RNF182: variants seen among roughly 807,000 people sequenced by gnomAD.
RNF182 encodes E3 ubiquitin-protein ligase RNF182.
RNF182 carries 15 observed loss-of-function variants against 14.4 expected under a neutral mutation model. That is an observed-to-expected ratio of 1.04 (90% CI 0.70 to 1.60). The LOEUF (loss-of-function observed/expected upper bound fraction) is 1.60, where lower values mean the gene tolerates loss of function less well. Ranked by LOEUF, RNF182 falls within the 40% of genes most tolerant of loss-of-function variation. RNF182 has a pLI of 0.00. For synonymous variants in RNF182, 128 were observed against 122.9 expected, an observed-to-expected ratio of 1.04 and a Z score of -0.27; for missense variants, 268 against 294.8, an observed-to-expected ratio of 0.91 and a Z score of 0.67.
chr6:13,939,604 C>T (rs184282400), intron 1 of RNF182, among the ~76,000 whole-genome samples: 147 of 152,006 alleles, frequency 9.7e-4, no homozygotes, highest in Admixed American at 6.2e-3. Flanking sequence ...AGTGCAGTGG[C>T]GCGATCTGGG....
intron 1 of RNF182, among the ~76,000 whole-genome samples, chr6:13,934,425 A>G (rs974411582): frequency 6.6e-6 from 1 of 152,206 alleles, no homozygotes; most frequent in South Asian, 2.1e-4. Context: ...TAGTTGTTTT[A>G]ATGACATCTG....
intron 1 of RNF182, chr6:13,949,422 C>T: frequency 1.6e-5 from 12 of 733,554 alleles, no homozygotes; most frequent in South Asian, 1.6e-4. Context: ...ACTGTGAAAG[C>T]TGTCATCTAT....
intron 1 of RNF182, among the ~76,000 whole-genome samples, chr6:13,973,453 C>T (rs1411014344): frequency 1.3e-5 from 2 of 152,096 alleles, no homozygotes; most frequent in African/African-American, 2.4e-5. Context: ...TGTGTGTCCC[C>T]ACCCAAATCT....
At chr6:13,937,086 T>C (rs1024347718) in intron 1 of RNF182, among the ~76,000 whole-genome samples, 6 of 152,320 alleles carry the variant, frequency 3.9e-5, no homozygotes, top group Non-Finnish European at 8.8e-5. Context: ...CATATAGACT[T>C]TTCACAATCA....
rs1760418561 is a variant in RNF182, at chr6:13,978,823, C to T, written c.*960C>T. ...GGATTTACTTAACTGAATCTTATAACAATTCGAGGTGAACTGTGGCAATGA... is the reference window on the plus strand; with the variant it reads ...GGATTTACTTAACTGAATCTTATAATAATTCGAGGTGAACTGTGGCAATGA... On this transcript the variant is annotated 3_prime_UTR_variant, in exon 3 of 3. Transcript: ENST00000488300. 2 of 167,048 alleles carry T rather than the reference C, an allele frequency of 1.2e-5. No homozygotes were observed. Among genetic ancestry groups the T allele is most frequent in the African/African-American group, 4.8e-5 (2 of 41,514 alleles). The allele number at this position is 167,048 out of a possible 1,614,324, so 10.3% of individuals were successfully genotyped here.
intron 1 of RNF182, among the ~76,000 whole-genome samples, chr6:13,967,475 C>T (rs1416365621): frequency 1.3e-5 from 2 of 152,082 alleles, no homozygotes; most frequent in African/African-American, 4.8e-5. Flanking sequence ...CTTGCACATA[C>T]CTTGATGATT....
intron 1 of RNF182, among the ~76,000 whole-genome samples, chr6:13,953,684 A>G (rs1426683508): frequency 6.6e-6 from 1 of 152,182 alleles, no homozygotes; most frequent in Non-Finnish European, 1.5e-5. Context: ...GTTAAAGAAT[A>G]TTAAGGAGTG....
At position 13,938,048 on chromosome 6, in the gene RNF182, G is replaced by A. The variant is rs113508197; in HGVS notation, c.-367+13025G>A. 2.2e-3 allele frequency among the ~76,000 whole-genome samples: 256 copies of A among 116,792 alleles called. 2 individuals carry two copies. The highest frequency in any genetic ancestry group is 7.7e-3 in the African/African-American group (238 of 31,034). 76.6% of individuals were successfully genotyped at this position (116,792 alleles called of 152,430 possible). On this transcript the variant is annotated intron_variant, in intron 1 of 2. Transcript: ENST00000488300. Reference sequence around the variant, plus strand: ...TTTTTGAGACAGAGTTTCTGTCGTCGCCCAGGCTGGAGTGCAGTCTCCGCT... The same window carrying A: ...TTTTTGAGACAGAGTTTCTGTCGTCACCCAGGCTGGAGTGCAGTCTCCGCT...
Position 13,979,580 on chromosome 6 carries a change from A to G in RNF182, c.*1717A>G, listed in dbSNP as rs1191276266. Reference sequence around the variant, plus strand: ...TACAGCTAAATACATTTATGATTTCATAAAATCTAGTTTAGATAGCATTGT... The same window carrying G: ...TACAGCTAAATACATTTATGATTTCGTAAAATCTAGTTTAGATAGCATTGT... On this transcript the variant is annotated 3_prime_UTR_variant, in exon 3 of 3. Transcript: ENST00000488300. 1 of 166,978 alleles carries G rather than the reference A, an allele frequency of 6.0e-6. No homozygotes were observed. The highest frequency in any genetic ancestry group is 2.4e-5 in the African/African-American group (1 of 41,470). 10.3% of individuals were successfully genotyped at this position (166,978 alleles called of 1,614,324 possible).
intron 1 of RNF182, among the ~76,000 whole-genome samples, chr6:13,932,027 C>G (rs1311342069): frequency 6.6e-6 from 1 of 152,196 alleles, no homozygotes; most frequent in Admixed American, 6.5e-5. Context: ...GATACCTAAT[C>G]TGCCAGCACC....
At chr6:13,969,791 G>A (rs1760129333) in intron 1 of RNF182, among the ~76,000 whole-genome samples, 2 of 152,184 alleles carry the variant, frequency 1.3e-5, no homozygotes, top group Admixed American at 1.3e-4. Context: ...CTTATCCCCA[G>A]ATGACTTATA....
At chr6:13,960,717 T>C (rs1561784427) in intron 1 of RNF182, among the ~76,000 whole-genome samples, 1 of 149,260 alleles carries the variant, frequency 6.7e-6, no homozygotes, top group Admixed American at 6.7e-5. Context: ...GCATGTGATG[T>C]ACAGTATTAG....
At chr6:13,936,376 A>G (rs1279982243) in intron 1 of RNF182, among the ~76,000 whole-genome samples, 1 of 152,248 alleles carries the variant, frequency 6.6e-6, no homozygotes. Context: ...AATTAGGAGA[A>G]GCTTAAAGCA....
chr6:13,962,641 A>T (rs1290946249), intron 1 of RNF182, among the ~76,000 whole-genome samples: 3 of 152,250 alleles, frequency 2.0e-5, no homozygotes, highest in Non-Finnish European at 4.4e-5. Context: ...TTCTTGTTAC[A>T]GAGCCATTTA....
rs959117611 is a variant in RNF182 at position 13,980,166 on chromosome 6, C to A, written c.*2303C>A. ...TTCAGAACTTTCCAACAAAGGGGACCTAACCCATCACACTTTTAAAAGGCC... is the reference window on the plus strand; with the variant it reads ...TTCAGAACTTTCCAACAAAGGGGACATAACCCATCACACTTTTAAAAGGCC... On this transcript the variant is annotated 3_prime_UTR_variant, in exon 3 of 3. Coordinates refer to ENST00000488300, the MANE Select transcript of RNF182 (RefSeq NM_152737.4). 6.6e-6 allele frequency: 1 copy of A among 151,806 alleles called. No individual in the cohort carries two copies. Among genetic ancestry groups the A allele is most frequent in the African/African-American group, 2.4e-5 (1 of 41,368 alleles). The allele number at this position is 151,806 out of a possible 1,614,324, so 9.4% of individuals were successfully genotyped here.
At position 13,977,580 on chromosome 6, in the gene RNF182, G is replaced by C. The variant is rs1281842399; in HGVS notation, c.461G>C (p.Arg154Thr). ...LSSTPVVEFYRPASFDSVTTV... is the reference protein window; with the variant it reads ...LSSTPVVEFYTPASFDSVTTV... ...TCCACTCCTGTGGTAGAATTTTATA[G>C]GCCTGCGAGTTTCGACTCTGTCACC... is the stretch of plus-strand genomic sequence containing the variant. Residue 154 changes from arginine to threonine, a missense_variant, in exon 3 of 3, where the codon AGG becomes ACG. Transcript: ENST00000488300. 1 of 1,614,168 alleles carries C rather than the reference G, an allele frequency of 6.2e-7. No homozygotes were observed. Among genetic ancestry groups the C allele is most frequent in the Admixed American group, 1.7e-5 (1 of 60,024 alleles).
chr6:13,959,657 G>A (rs1759817167), intron 1 of RNF182, among the ~76,000 whole-genome samples: 1 of 152,206 alleles, frequency 6.6e-6, no homozygotes, highest in Non-Finnish European at 1.5e-5. Flanking sequence ...TTGGACATGA[G>A]GAGTGAGGTA....
chr6:13,948,321 A>T (rs1759489353), intron 1 of RNF182, among the ~76,000 whole-genome samples: 1 of 152,190 alleles, frequency 6.6e-6, no homozygotes, highest in Non-Finnish European at 1.5e-5. Context: ...AGATGACAAA[A>T]AGTCTTAGGG....
intron 1 of RNF182, among the ~76,000 whole-genome samples, chr6:13,938,218 C>A (rs545332874): frequency 6.9e-6 from 1 of 145,660 alleles, no homozygotes; most frequent in Non-Finnish European, 1.5e-5. Flanking sequence ...GGGGTTTCAC[C>A]GTGATAGCCA....
Sources: gnomAD v4.1 joint callset for allele counts (sites outside exome capture counted in the v4.1 genomes callset) on GRCh38, gnomAD v4.1.1 for gene constraint, MANE v1.5 for transcripts, NCBI Gene and HGNC (gene_info 2026-07-23, HGNC 2026-07-21) for gene names.